The following PDE1A variants were observed in gnomAD, a reference collection of about 807,000 sequenced individuals.
PDE1A encodes phosphodiesterase 1A, also known as dual specificity calcium/calmodulin-dependent 3',5'-cyclic nucleotide phosphodiesterase 1A.
A neutral mutation model predicts 61.7 loss-of-function variants in PDE1A; 35 were observed. That is an observed-to-expected ratio of 0.57 (90% CI 0.43 to 0.75). The LOEUF is 0.75. Among genes scored for constraint, PDE1A ranks in the 30% least tolerant of loss-of-function variants. The probability of loss-of-function intolerance (pLI) is 0.00; values close to 1 mark genes in which losing one functional copy is unlikely to be tolerated. For missense variants in PDE1A, 597 were observed against 630.6 expected, an observed-to-expected ratio of 0.95 and a Z score of 0.57; for synonymous variants, 232 against 213.2, an observed-to-expected ratio of 1.09 and a Z score of -0.77.
At chr2:182,195,088 T>A (rs1456307351) in intron 10 of PDE1A, among the ~76,000 whole-genome samples, 2 of 152,144 alleles carry the variant, frequency 1.3e-5, no homozygotes, top group African/African-American at 4.8e-5. Context: ...AATACTTCTC[T>A]TAATTGGTTA....
intron 1 of PDE1A, among the ~76,000 whole-genome samples, chr2:182,342,398 C>T (rs888202863): frequency 6.6e-6 from 1 of 152,104 alleles, no homozygotes; most frequent in African/African-American, 2.4e-5. Context: ...ATCACCTAAA[C>T]ATAGGCCAGG....
At chr2:182,508,396 A>G (rs1388814125) in intron 2 of PDE1A, among the ~76,000 whole-genome samples, 1 of 151,884 alleles carries the variant, frequency 6.6e-6, no homozygotes, top group Non-Finnish European at 1.5e-5. Context: ...GACTAACCAG[A>G]TAAGAAAAAG....
chr2:182,685,005 C>T, the PDE1A span, among the ~76,000 whole-genome samples: 2 of 151,440 alleles, frequency 1.3e-5, no homozygotes, highest in Non-Finnish European at 1.5e-5. Context: ...AAGTGCCTTG[C>T]ATGATGCAAG....
At chr2:182,245,560 C>T (rs966353978) in intron 2 of PDE1A, among the ~76,000 whole-genome samples, 5 of 152,128 alleles carry the variant, frequency 3.3e-5, no homozygotes, top group African/African-American at 1.2e-4. Flanking sequence ...TTTGCTGTCT[C>T]CTTAGTTTGG....
At chr2:182,170,090 G>C (rs1453695045) in intron 13 of PDE1A, among the ~76,000 whole-genome samples, 1 of 151,974 alleles carries the variant, frequency 6.6e-6, no homozygotes, top group Non-Finnish European at 1.5e-5. Flanking sequence ...GGGAAGTTTA[G>C]AGAATTTAAC....
the PDE1A span, among the ~76,000 whole-genome samples, chr2:182,641,402 C>T: frequency 6.6e-6 from 1 of 152,178 alleles, no homozygotes; most frequent in African/African-American, 2.4e-5. Flanking sequence ...AAGCTATTCC[C>T]CATATTTCAT....
At chr2:182,446,065 C>G (rs1337511674) in intron 2 of PDE1A, among the ~76,000 whole-genome samples, 1 of 152,028 alleles carries the variant, frequency 6.6e-6, no homozygotes, top group African/African-American at 2.4e-5. Context: ...TTCATTTAAA[C>G]TTAAATCATA....
At chr2:182,527,326 AAATATATATATATATATATAT>A (rs564189261), upstream of PDE1A, among the ~76,000 whole-genome samples, 78 of 21,722 alleles carry the variant, frequency 3.6e-3, 10 homozygotes, top group South Asian at 7.4e-3. Context: ...AAAAAAAAAA[AAATATATATATATATATATAT>A]ATATATATAT....
chr2:182,385,913 G>A (rs868289725), intron 1 of PDE1A, among the ~76,000 whole-genome samples: 5 of 151,838 alleles, frequency 3.3e-5, no homozygotes, highest in South Asian at 4.2e-4. Context: ...ATGCCCGGCC[G>A]AAGCTGGACT....
the PDE1A span, among the ~76,000 whole-genome samples, chr2:182,546,652 C>T: frequency 6.6e-6 from 1 of 152,222 alleles, no homozygotes; most frequent in Non-Finnish European, 1.5e-5. Context: ...TTCCAGCCAA[C>T]TTGCTGTGTG....
chr2:182,415,466 T>C (rs143865191), intron 1 of PDE1A, among the ~76,000 whole-genome samples: 1,941 of 152,252 alleles, frequency 0.013, 27 homozygotes, highest in South Asian at 0.047. Context: ...TTTCTATTAA[T>C]GAAATCATGA....
chr2:182,497,728 T>G (rs1312868132), intron 2 of PDE1A, among the ~76,000 whole-genome samples: 2 of 152,008 alleles, frequency 1.3e-5, no homozygotes, highest in Non-Finnish European at 2.9e-5. Flanking sequence ...GTACCGGCAT[T>G]TGGTAACCAC....
chr2:182,507,351 A>G (rs985951740), intron 2 of PDE1A, among the ~76,000 whole-genome samples: 5 of 152,168 alleles, frequency 3.3e-5, no homozygotes, highest in African/African-American at 1.2e-4. Flanking sequence ...TTTTCTCACA[A>G]TTTTGAGAAA....
At chr2:182,691,508 G>A in the PDE1A span, among the ~76,000 whole-genome samples, 2 of 152,016 alleles carry the variant, frequency 1.3e-5, no homozygotes, top group Admixed American at 6.6e-5. Context: ...TCCCTTCCTT[G>A]CACCTTATAC....
At chr2:182,218,084 C>G (rs899415682) in intron 7 of PDE1A, among the ~76,000 whole-genome samples, 1 of 149,448 alleles carries the variant, frequency 6.7e-6, no homozygotes, top group Non-Finnish European at 1.5e-5. Context: ...GAATACTATG[C>G]AGCCATAAAA....
chr2:182,370,027 A>C (rs1162983524), intron 1 of PDE1A, among the ~76,000 whole-genome samples: 1 of 151,908 alleles, frequency 6.6e-6, no homozygotes, highest in African/African-American at 2.4e-5. Context: ...AAATACAAAA[A>C]TTAGCCGGGC....
intron 1 of PDE1A, among the ~76,000 whole-genome samples, chr2:182,313,436 C>T (rs990789948): frequency 7.2e-5 from 11 of 151,968 alleles, no homozygotes; most frequent in African/African-American, 2.2e-4. Flanking sequence ...AAATTATTTC[C>T]GGCTTTCTAC....
chr2:182,607,949 A>G, the PDE1A span, among the ~76,000 whole-genome samples: 6 of 152,226 alleles, frequency 3.9e-5, no homozygotes, highest in Admixed American at 2.6e-4. Flanking sequence ...ACATTTGGCA[A>G]AAATGACCAG....
At chr2:182,229,913 T>C (rs1485616423) in intron 6 of PDE1A, 93 bp downstream of exon 6, 6 of 879,206 alleles carry the variant, frequency 6.8e-6, no homozygotes, top group Admixed American at 2.3e-5. Flanking sequence ...TTAGAATACC[T>C]CTATGGGCAT....
Sources: allele counts gnomAD v4.1 joint callset (sites outside exome capture counted in the v4.1 genomes callset), GRCh38; gene constraint gnomAD v4.1.1; transcripts MANE v1.5; gene names NCBI Gene and HGNC (gene_info 2026-07-23, HGNC 2026-07-21).